Variants in RP1 observed in about 807,000 individuals in gnomAD.
RP1 encodes oxygen-regulated protein 1.
In RP1, 16 loss-of-function variants were observed where a neutral mutation model predicts 14.8. The ratio of observed to expected loss-of-function variants is 1.08; its 90% CI spans 0.73 to 1.65. The LOEUF is 1.65. RP1 is among the 40% of genes most tolerant of loss of function. The pLI is 0.00. For missense variants in RP1, 2,631 were observed against 2,535.0 expected (o/e 1.04, Z -0.81); for synonymous variants, 876 against 883.6 (o/e 0.99, Z 0.15).
At chr8:54,563,524 T>TTGTGTGTG (rs10632655) in intron 1 of RP1, among the ~76,000 whole-genome samples, 5 of 150,648 alleles carry the variant, frequency 3.3e-5, no homozygotes, top group Admixed American at 3.3e-4. Flanking sequence ...TTATTACTAT[T>TTGTGTGTG]TGTGTGTGTG....
chr8:54,561,733 A>C (rs566956848), intron 1 of RP1: 6 of 152,356 alleles, frequency 3.9e-5, no homozygotes, highest in African/African-American at 9.6e-5. Context: ...AATTTGAATC[A>C]TTATCTAACA....
intron 22 of RP1, among the ~76,000 whole-genome samples, chr8:54,765,412 A>G (rs192747746): frequency 1.3e-5 from 2 of 152,326 alleles, no homozygotes; most frequent in Admixed American, 1.3e-4. Flanking sequence ...TCATTTGTGG[A>G]GAGGGTCAGG....
intron 1 of RP1, among the ~76,000 whole-genome samples, chr8:54,585,554 A>G (rs1431987058): frequency 6.6e-6 from 1 of 152,132 alleles, no homozygotes; most frequent in African/African-American, 2.4e-5. Context: ...GCCTTGCTAG[A>G]TTGGGGCAGT....
At chr8:54,682,929 T>C (rs1274065617) in intron 12 of RP1, among the ~76,000 whole-genome samples, 1 of 152,194 alleles carries the variant, frequency 6.6e-6, no homozygotes, top group East Asian at 1.9e-4. Flanking sequence ...TTTATTGTTT[T>C]GGGGTTTACA....
intron 1 of RP1, among the ~76,000 whole-genome samples, chr8:54,573,652 G>C (rs1164743315): frequency 2.6e-5 from 4 of 152,146 alleles, no homozygotes; most frequent in African/African-American, 9.7e-5. Flanking sequence ...CACTCAACAA[G>C]GTCATAATGA....
At chr8:54,828,139 T>A (rs936804754) in intron 24 of RP1, among the ~76,000 whole-genome samples, 1 of 152,158 alleles carries the variant, frequency 6.6e-6, no homozygotes, top group Admixed American at 6.5e-5. Context: ...CTGAGGCTGT[T>A]TTACAGTTAG....
At chr8:54,829,244 G>C (rs184051906) in intron 24 of RP1, among the ~76,000 whole-genome samples, 1 of 152,218 alleles carries the variant, frequency 6.6e-6, no homozygotes, top group Non-Finnish European at 1.5e-5. Context: ...GTTTTGCTGG[G>C]CTTGAAATGT....
At chr8:54,696,200 G>A (rs1306365631) in intron 12 of RP1, among the ~76,000 whole-genome samples, 1 of 151,964 alleles carries the variant, frequency 6.6e-6, no homozygotes, top group African/African-American at 2.4e-5. Flanking sequence ...TAGTAAAGCA[G>A]GTAATTAAAT....
intron 15 of RP1, among the ~76,000 whole-genome samples, chr8:54,711,063 G>GT (rs1808284207): frequency 2.0e-5 from 3 of 152,154 alleles, no homozygotes; most frequent in African/African-American, 7.2e-5. Context: ...TTTAAAAAAT[G>GT]TATCTGGCTC....
chr8:54,753,609 A>G (rs1392167115), intron 19 of RP1, among the ~76,000 whole-genome samples: 4 of 152,212 alleles, frequency 2.6e-5, no homozygotes, highest in African/African-American at 9.6e-5. Context: ...AGGTTGAGGA[A>G]CCATGAACAG....
chr8:54,866,178 G>A (rs1449002184), intron 28 of RP1, among the ~76,000 whole-genome samples: 6 of 152,136 alleles, frequency 3.9e-5, no homozygotes, highest in Non-Finnish European at 8.8e-5. Flanking sequence ...TAGAAAACAG[G>A]TTCTTCTTTC....
intron 28 of RP1, among the ~76,000 whole-genome samples, chr8:54,869,090 C>T (rs1477407494): frequency 1.3e-5 from 2 of 152,054 alleles, no homozygotes; most frequent in African/African-American, 2.4e-5. Flanking sequence ...CAGGTAGACT[C>T]TGTGATATTT....
At chr8:54,826,934 G>T (rs1452734619) in intron 24 of RP1, among the ~76,000 whole-genome samples, 1 of 152,194 alleles carries the variant, frequency 6.6e-6, no homozygotes, top group African/African-American at 2.4e-5. Flanking sequence ...ACTGATTCTA[G>T]GCCTTGAACC....
intron 27 of RP1, chr8:54,857,113 T>G (rs1378583616): frequency 5.8e-6 from 7 of 1,200,028 alleles, no homozygotes; most frequent in Non-Finnish European, 7.3e-6. Flanking sequence ...CCAGGTAAGA[T>G]TTAGTTTCTT....
intron 23 of RP1, among the ~76,000 whole-genome samples, chr8:54,779,956 A>G (rs1810142343): frequency 6.6e-6 from 1 of 152,172 alleles, no homozygotes; most frequent in Non-Finnish European, 1.5e-5. Context: ...TGAAAACAAT[A>G]ATTTGTTATT....
At chr8:54,808,310 G>A (rs1284761627) in intron 24 of RP1, among the ~76,000 whole-genome samples, 1 of 152,186 alleles carries the variant, frequency 6.6e-6, no homozygotes, top group Non-Finnish European at 1.5e-5. Flanking sequence ...GGCTCTGCAC[G>A]AAGGTGTCTT....
chr8:54,605,279 C>T (rs1452978208), intron 1 of RP1, among the ~76,000 whole-genome samples: 2 of 152,154 alleles, frequency 1.3e-5, no homozygotes, highest in African/African-American at 4.8e-5. Context: ...TTTATTACTG[C>T]CTTCATTTCG....
intron 24 of RP1, among the ~76,000 whole-genome samples, chr8:54,834,695 G>T (rs1995843): frequency 0.018 from 2,734 of 150,076 alleles, 182 homozygotes; most frequent in East Asian, 0.17. Flanking sequence ...TTCCTGTGGT[G>T]TTGCTTCCTT....
chr8:54,706,726 C>A, intron 15 of RP1: 2 of 1,448,960 alleles, frequency 1.4e-6, no homozygotes, highest in Non-Finnish European at 1.9e-6. Flanking sequence ...GAGAATAGCA[C>A]TTTCTGAGTG....
Sources: allele counts gnomAD v4.1 joint callset (sites outside exome capture counted in the v4.1 genomes callset), GRCh38; gene constraint gnomAD v4.1.1; transcripts MANE v1.5; gene names NCBI Gene and HGNC (gene_info 2026-07-23, HGNC 2026-07-21).